CADPS2: variants seen among roughly 807,000 people sequenced by gnomAD.
The protein encoded by CADPS2 is calcium dependent secretion activator 2.
A neutral mutation model predicts 172.5 loss-of-function variants in CADPS2; 93 were observed. The ratio of observed to expected loss-of-function variants is 0.54; its 90% CI spans 0.46 to 0.64. The LOEUF is 0.64. Ranked by LOEUF, CADPS2 falls within the 30% of genes least tolerant of loss-of-function variation. CADPS2 has a pLI of 0.00. For missense variants in CADPS2, 1,420 were observed against 1,565.9 expected (o/e 0.91, Z 1.57); for synonymous variants, 546 against 555.2 (o/e 0.98, Z 0.23).
chr7:122,649,182 C>T (rs914194489), intron 3 of CADPS2, among the ~76,000 whole-genome samples: 1 of 151,984 alleles, frequency 6.6e-6, no homozygotes, highest in African/African-American at 2.4e-5. Flanking sequence ...CAACACACAC[C>T]ATACCTCCCT....
chr7:122,541,773 A>ATATATATT (rs2063038448), intron 8 of CADPS2, among the ~76,000 whole-genome samples: 1 of 142,778 alleles, frequency 7.0e-6, no homozygotes, highest in African/African-American at 2.6e-5. Context: ...TTATATATTC[A>ATATATATT]CATATATTCA....
At chr7:122,782,053 C>T (rs1187233373) in intron 1 of CADPS2, among the ~76,000 whole-genome samples, 2 of 152,148 alleles carry the variant, frequency 1.3e-5, no homozygotes, top group African/African-American at 4.8e-5. Context: ...CTGAATTTCT[C>T]ACTATTTTAC....
intron 2 of CADPS2, among the ~76,000 whole-genome samples, chr7:122,675,551 TATAA>T (rs796780433): frequency 7.9e-4 from 120 of 152,308 alleles, no homozygotes; most frequent in African/African-American, 2.7e-3. Flanking sequence ...TCTTTGCTAT[TATAA>T]ATAATGCTGC....
chr7:122,445,001 T>C (rs1302103630), intron 15 of CADPS2, among the ~76,000 whole-genome samples: 1 of 152,134 alleles, frequency 6.6e-6, no homozygotes, highest in African/African-American at 2.4e-5. Context: ...GTAGCATCTG[T>C]CGGAAAAAAG....
intron 22 of CADPS2, 113 bp from the exon 23 acceptor site, chr7:122,388,851 TAA>T: frequency 1.1e-6 from 1 of 935,998 alleles, no homozygotes; most frequent in Non-Finnish European, 1.5e-6. Flanking sequence ...AAATACCATA[TAA>T]AGTCTCTAAT....
intron 2 of CADPS2, among the ~76,000 whole-genome samples, chr7:122,686,630 A>G (rs1315965210): frequency 6.6e-6 from 1 of 152,194 alleles, no homozygotes; most frequent in Non-Finnish European, 1.5e-5. Flanking sequence ...TGGGGACAGA[A>G]AGTGAATGCA....
intron 1 of CADPS2, among the ~76,000 whole-genome samples, chr7:122,794,463 T>C (rs551588400): frequency 2.2e-4 from 33 of 152,218 alleles, no homozygotes; most frequent in African/African-American, 6.5e-4. Context: ...GTTGTTTACA[T>C]TCTTTTCTAT....
intron 1 of CADPS2, among the ~76,000 whole-genome samples, chr7:122,869,452 C>G (rs535096445): frequency 6.6e-6 from 1 of 151,682 alleles, no homozygotes; most frequent in Non-Finnish European, 1.5e-5. Context: ...AGAAAAATAA[C>G]AAAACTGCCA....
chr7:122,879,904 C>T (rs1822408395), intron 1 of CADPS2, among the ~76,000 whole-genome samples: 1 of 152,220 alleles, frequency 6.6e-6, no homozygotes, highest in Non-Finnish European at 1.5e-5. Context: ...CTTTTCCTTA[C>T]TGTCCACCTA....
intron 6 of CADPS2, among the ~76,000 whole-genome samples, chr7:122,604,649 T>C (rs1417923385): frequency 6.6e-6 from 1 of 152,148 alleles, no homozygotes; most frequent in African/African-American, 2.4e-5. Flanking sequence ...CCTTCAAACC[T>C]TTTCTCATGC....
At chr7:122,515,294 C>T (rs2060274921) in intron 8 of CADPS2, among the ~76,000 whole-genome samples, 1 of 151,974 alleles carries the variant, frequency 6.6e-6, no homozygotes, top group Non-Finnish European at 1.5e-5. Flanking sequence ...ATTGTTTTTT[C>T]TCAAGGACCC....
At chr7:122,478,474 G>A (rs1244576921) in intron 12 of CADPS2, among the ~76,000 whole-genome samples, 1 of 152,172 alleles carries the variant, frequency 6.6e-6, no homozygotes, top group Non-Finnish European at 1.5e-5. Context: ...AGCGTCTTTA[G>A]GTGGTACTGT....
At chr7:122,505,772 C>A (rs1041801543) in intron 9 of CADPS2, among the ~76,000 whole-genome samples, 4 of 152,310 alleles carry the variant, frequency 2.6e-5, no homozygotes, top group African/African-American at 7.2e-5. Flanking sequence ...ATCTTTTGGG[C>A]TCACTGATTC....
rs549278540 is a variant in CADPS2 at position 122,532,180 on chromosome 7, G to C, written c.1476-18865C>G. On this transcript the variant is annotated intron_variant, in intron 8 of 29. Coordinates refer to ENST00000449022, the MANE Select transcript of CADPS2 (RefSeq NM_017954.11). ...GATTTTTCTACATAATACAACAAAT[G>C]ATTTATCTCAAATTGTTCCTTTTTG... is the stretch of plus-strand genomic sequence containing the variant. Among the ~76,000 whole-genome samples, 18 of 152,104 alleles carry C rather than the reference G, an allele frequency of 1.2e-4. No individual in the cohort carries two copies. The South Asian group carries it at 1.9e-3, about 16-fold the overall frequency.
intron 15 of CADPS2, among the ~76,000 whole-genome samples, chr7:122,444,646 G>A (rs1270224596): frequency 6.6e-6 from 1 of 151,928 alleles, no homozygotes; most frequent in Non-Finnish European, 1.5e-5. Flanking sequence ...TTTTTAAATT[G>A]GGTTAATATT....
rs1001003683 is a variant in CADPS2 at position 122,663,548 on chromosome 7, C to T, written c.475G>A (p.Val159Met). 1 of 1,583,768 alleles carries T rather than the reference C, an allele frequency of 6.3e-7. No homozygotes were observed. The highest frequency in any genetic ancestry group is 8.6e-7 in the Non-Finnish European group (1 of 1,163,598). The change falls in exon 3 of 30, where the codon GTG (valine) becomes ATG (methionine). Residue 159 changes from valine (V) to methionine (M), a missense_variant. Coordinates refer to ENST00000449022, the MANE Select transcript of CADPS2 (RefSeq NM_017954.11). ...YYEVFLKSDR[V>M]ARMVQSGGCS... is the part of the protein sequence containing the mutation. Reference sequence around the variant, plus strand: ...CCTCCACTCTGTACCATTCTGGCCACTCGGTCACTCTTTAGAAAAACCTGA... The same window carrying T: ...CCTCCACTCTGTACCATTCTGGCCATTCGGTCACTCTTTAGAAAAACCTGA...
At chr7:122,612,397 A>C (rs1417264935) in intron 6 of CADPS2, among the ~76,000 whole-genome samples, 1 of 151,990 alleles carries the variant, frequency 6.6e-6, no homozygotes, top group Non-Finnish European at 1.5e-5. Flanking sequence ...ATTTCTAATA[A>C]CTTGAATGAT....
intron 6 of CADPS2, among the ~76,000 whole-genome samples, chr7:122,600,182 AAAC>A (rs2072528808): frequency 6.6e-6 from 1 of 152,120 alleles, no homozygotes; most frequent in Non-Finnish European, 1.5e-5. Flanking sequence ...AAAACAAAGC[AAAC>A]AACACATGCA....
At chr7:122,517,673 T>A (rs1403815398) in intron 8 of CADPS2, among the ~76,000 whole-genome samples, 1 of 152,092 alleles carries the variant, frequency 6.6e-6, no homozygotes, top group Non-Finnish European at 1.5e-5. Flanking sequence ...TATCTCATTA[T>A]CTTGAGTACA....
Sources: gnomAD v4.1 joint callset for allele counts (sites outside exome capture counted in the v4.1 genomes callset) on GRCh38, gnomAD v4.1.1 for gene constraint, MANE v1.5 for transcripts, NCBI Gene and HGNC (gene_info 2026-07-23, HGNC 2026-07-21) for gene names.